LRP1B: variants seen among roughly 807,000 people sequenced by gnomAD.
The protein encoded by LRP1B is LDL receptor related protein 1B.
In LRP1B, 217 loss-of-function variants were observed where a neutral mutation model predicts 556.6. The observed-to-expected ratio is 0.39, with a 90% CI of 0.35 to 0.44. The LOEUF is 0.44. LRP1B is among the 20% of genes least tolerant of loss of function. LRP1B has a pLI of 1.00. For missense variants in LRP1B, 5,053 were observed against 5,620.8 expected (o/e 0.90, Z 3.23); for synonymous variants, 2,047 against 1,865.8 (o/e 1.10, Z -2.50).
rs551770854 is a variant in LRP1B at position 141,650,624 on chromosome 2, C to A, written c.205+159655G>T. Among the ~76,000 whole-genome samples the A allele has an allele frequency of 4.6e-5, 7 of 152,232 alleles. No individual in the cohort carries two copies. The East Asian group carries it at 1.4e-3, about 29-fold the overall frequency. On this transcript the variant is annotated intron_variant, in intron 2 of 90. Transcript: ENST00000389484. ...TTCAATTGCAGGAGCCCTTTACATT[C>A]CTCTGACTCGGAAATTAATGAGAAC... is the stretch of plus-strand genomic sequence containing the variant.
chr2:140,779,753 AGAGTGTGTGTGTGT>A (rs1689631074), intron 32 of LRP1B, among the ~76,000 whole-genome samples: 2 of 134,006 alleles, frequency 1.5e-5, no homozygotes, highest in Non-Finnish European at 3.2e-5. Context: ...TCTCTGTGAG[AGAGTGTGTGTGTGT>A]GTGTGTGTGT....
chr2:141,032,828 T>TAC (rs1558813237), intron 11 of LRP1B, among the ~76,000 whole-genome samples: 14 of 147,576 alleles, frequency 9.5e-5, no homozygotes, highest in East Asian at 6.1e-4. Context: ...TATACATACA[T>TAC]ATATATATAT....
intron 60 of LRP1B, among the ~76,000 whole-genome samples, chr2:140,468,833 G>T (rs1687652364): frequency 6.6e-6 from 1 of 152,172 alleles, no homozygotes; most frequent in Non-Finnish European, 1.5e-5. Context: ...TGTTTGGTCA[G>T]AATCCATTAC....
chr2:141,621,071 G>C (rs180766104), intron 2 of LRP1B, among the ~76,000 whole-genome samples: 1 of 152,288 alleles, frequency 6.6e-6, no homozygotes, highest in Non-Finnish European at 1.5e-5. Context: ...ACTTGAGAAA[G>C]TAAAATGTTA....
intron 1 of LRP1B, among the ~76,000 whole-genome samples, chr2:142,072,634 T>C (rs1559055168): frequency 6.6e-6 from 1 of 151,954 alleles, no homozygotes; most frequent in African/African-American, 2.4e-5. Context: ...TTAGTGTTAG[T>C]GTATTTTGTA....
chr2:140,965,358 C>CT (rs11289918), intron 18 of LRP1B, among the ~76,000 whole-genome samples: 28 of 148,432 alleles, frequency 1.9e-4, no homozygotes, highest in South Asian at 6.4e-4. Flanking sequence ...GTTAAAATAC[C>CT]TTTTTTTTTT....
At chr2:140,913,420 A>T (rs1694481963) in intron 21 of LRP1B, among the ~76,000 whole-genome samples, 1 of 152,010 alleles carries the variant, frequency 6.6e-6, no homozygotes, top group Non-Finnish European at 1.5e-5. Flanking sequence ...TGGAAGGATG[A>T]GAAACAAGCT....
intron 35 of LRP1B, among the ~76,000 whole-genome samples, chr2:140,738,349 C>A (rs1388931965): frequency 6.6e-6 from 1 of 152,020 alleles, no homozygotes; most frequent in Non-Finnish European, 1.5e-5. Context: ...AGGGAAGAGG[C>A]CTACAGGAAC....
At chr2:142,077,754 G>A (rs548430622) in intron 1 of LRP1B, among the ~76,000 whole-genome samples, 1 of 152,142 alleles carries the variant, frequency 6.6e-6, no homozygotes, top group Non-Finnish European at 1.5e-5. Flanking sequence ...TCTCTGCGAG[G>A]AATTTGTCTT....
chr2:140,592,203 A>G (rs1344182888), intron 43 of LRP1B, among the ~76,000 whole-genome samples: 2 of 152,168 alleles, frequency 1.3e-5, no homozygotes, highest in African/African-American at 4.8e-5. Context: ...TTTTATTAGA[A>G]CAGAAATAAG....
intron 6 of LRP1B, among the ~76,000 whole-genome samples, chr2:141,220,639 A>G (rs1558941730): frequency 1.3e-5 from 2 of 151,320 alleles, no homozygotes; most frequent in Non-Finnish European, 2.9e-5. Flanking sequence ...AAAAAAAAAG[A>G]AAAAATGTTA....
chr2:140,734,573 C>T (rs1254230375), intron 35 of LRP1B, among the ~76,000 whole-genome samples: 1 of 152,208 alleles, frequency 6.6e-6, no homozygotes, highest in African/African-American at 2.4e-5. Context: ...TTGTCCAGGA[C>T]TCTCCTGATT....
At chr2:141,738,702 A>T (rs1000440205) in intron 2 of LRP1B, among the ~76,000 whole-genome samples, 12 of 152,088 alleles carry the variant, frequency 7.9e-5, no homozygotes, top group African/African-American at 2.9e-4. Context: ...AGTAGACTTG[A>T]TCGTTTTGTG....
At chr2:140,679,143 T>C (rs1685775774) in intron 41 of LRP1B, among the ~76,000 whole-genome samples, 1 of 152,194 alleles carries the variant, frequency 6.6e-6, no homozygotes, top group Admixed American at 6.5e-5. Flanking sequence ...CCTGGGTCTG[T>C]GTTGCCTGTG....
intron 2 of LRP1B, among the ~76,000 whole-genome samples, chr2:141,784,964 T>A (rs1003744999): frequency 2.6e-5 from 4 of 151,960 alleles, no homozygotes; most frequent in Non-Finnish European, 4.4e-5. Context: ...TGGATAGATA[T>A]GGCAGTGGTA....
chr2:140,845,513 C>T (rs1318847522), intron 29 of LRP1B, among the ~76,000 whole-genome samples: 1 of 151,558 alleles, frequency 6.6e-6, no homozygotes, highest in African/African-American at 2.4e-5. Flanking sequence ...AAAATTAAAA[C>T]ACACACAAAG....
At chr2:141,380,433 C>A (rs1689595235) in intron 3 of LRP1B, among the ~76,000 whole-genome samples, 2 of 152,098 alleles carry the variant, frequency 1.3e-5, no homozygotes, top group African/African-American at 4.8e-5. Flanking sequence ...ATAAAATCTC[C>A]CCAGCTCACT....
intron 3 of LRP1B, among the ~76,000 whole-genome samples, chr2:141,382,222 C>A (rs1689667721): frequency 6.6e-6 from 1 of 152,138 alleles, no homozygotes; most frequent in Non-Finnish European, 1.5e-5. Context: ...GGAGTGACTC[C>A]AGCCCCCTTC....
At chr2:141,742,167 C>T (rs188604433) in intron 2 of LRP1B, among the ~76,000 whole-genome samples, 1 of 151,458 alleles carries the variant, frequency 6.6e-6, no homozygotes, top group Admixed American at 6.6e-5. Context: ...GTTTTTATGC[C>T]AGTACCATGC....
Sources: gnomAD v4.1 joint callset for allele counts (sites outside exome capture counted in the v4.1 genomes callset) on GRCh38, gnomAD v4.1.1 for gene constraint, MANE v1.5 for transcripts, NCBI Gene and HGNC (gene_info 2026-07-23, HGNC 2026-07-21) for gene names.